The following CDH22 variants were observed in gnomAD, a reference collection of about 807,000 sequenced individuals.
CDH22 encodes cadherin 22.
Under a neutral mutation model 58.4 loss-of-function variants are expected in CDH22, and 30 were observed. The ratio of observed to expected loss-of-function variants is 0.51; its 90% confidence interval spans 0.38 to 0.70. The LOEUF (loss-of-function observed/expected upper bound fraction) is 0.70, where lower values mean the gene tolerates loss of function less well. Ranked by LOEUF, CDH22 falls within the 30% of genes least tolerant of loss-of-function variation. The pLI is 0.00. For synonymous variants in CDH22, 513 were observed against 558.2 expected (o/e 0.92, Z 1.14); for missense variants, 1,014 against 1,233.9 (o/e 0.82, Z 2.67).
chr20:46,222,823 C>T (rs1433968632), intron 4 of CDH22, among the ~76,000 whole-genome samples: 1 of 152,266 alleles, frequency 6.6e-6, no homozygotes, highest in Non-Finnish European at 1.5e-5. Flanking sequence ...ATTGGGGCCT[C>T]GCGGCGCCCC....
intron 10 of CDH22, among the ~76,000 whole-genome samples, chr20:46,182,783 G>A (rs1371492408): frequency 2.0e-5 from 3 of 152,194 alleles, no homozygotes; most frequent in Admixed American, 6.5e-5. Context: ...TATAAATCAC[G>A]TTTCCAAACT....
chr20:46,261,515 TC>T (rs1194562900), intron 1 of CDH22, among the ~76,000 whole-genome samples: 1 of 152,172 alleles, frequency 6.6e-6, no homozygotes, highest in African/African-American at 2.4e-5. Context: ...AAAGGGTAGT[TC>T]AGGAAGAGGC....
At chr20:46,308,496 TCTGA>T (rs1253924364) in exon 1 of CDH22, 248 of 205,868 alleles carry the variant, frequency 1.2e-3, 2 homozygotes, top group Non-Finnish European at 1.3e-3. The surrounding 1 kb of genome is among the most constrained non-coding windows in gnomAD (Gnocchi z 4.3). Context: ...AGTGTGCGTG[TCTGA>T]CTGGGGGGAA....
At chr20:46,183,014 C>G (rs1440643661) in intron 10 of CDH22, among the ~76,000 whole-genome samples, 3 of 149,734 alleles carry the variant, frequency 2.0e-5, no homozygotes, top group Non-Finnish European at 4.5e-5. Context: ...TCTGGTGCCC[C>G]CCCCTCTCCC....
chr20:46,208,648 G>A (rs1187291873), intron 7 of CDH22, among the ~76,000 whole-genome samples: 4 of 152,164 alleles, frequency 2.6e-5, no homozygotes, highest in African/African-American at 4.8e-5. Flanking sequence ...AGGCTAGAGT[G>A]CAATGGTGCA....
chr20:46,210,373 G>A lies in CDH22; in HGVS notation c.1220C>T (p.Ala407Val), dbSNP rs1402646823. ...CACGCCGACCAGGGAGCCCACCTGCGCGTCCTCCTGCACCTCCAGGAGGCC... is the reference window on the plus strand; with the variant it reads ...CACGCCGACCAGGGAGCCCACCTGCACGTCCTCCTGCACCTCCAGGAGGCC... ...PSGLLEVQED[A>V]QVGSLVGVVT... The change falls in exon 7 of 12, where the codon GCG (alanine) becomes GTG (valine). Residue 407 changes from alanine to valine, a missense_variant. By Grantham distance (64) the Ala-to-Val change is moderately conservative (BLOSUM62 0). Transcript: ENST00000537909. The surrounding 1 kb of genome is among the most constrained non-coding windows in gnomAD (Gnocchi z 4.5). 2 of 1,480,940 alleles carry A rather than the reference G, an allele frequency of 1.4e-6. No homozygotes were observed. Among genetic ancestry groups the A allele is most frequent in the African/African-American group, 1.5e-5 (1 of 68,336 alleles). The allele number at this position is 1,480,940 out of a possible 1,614,324, so 91.7% of individuals were successfully genotyped here.
In CDH22 at chr20:46,210,650, C is replaced by T; in HGVS notation, c.1033-90G>A. 5 of 1,271,440 alleles carry T rather than the reference C, an allele frequency of 3.9e-6. No individual in the cohort carries two copies. Among genetic ancestry groups the T allele is most frequent in the South Asian group, 2.1e-5 (1 of 47,414 alleles). 78.8% of individuals were successfully genotyped at this position (1,271,440 alleles called of 1,614,324 possible). A position where few individuals can be genotyped will look rare whatever the true frequency, so the allele number is the denominator to read the frequency against. On this transcript the variant is annotated intron_variant, in intron 6 of 11. Transcript: ENST00000537909. This position sits in a 1 kb window ranked among gnomAD's most constrained non-coding sequence, Gnocchi z 4.5. ...GGAGGCCAAGGCAGGCGGGGTTGGC[C>T]CAAGGTCACACGTTGTCTCAGCAGG...
intron 8 of CDH22, among the ~76,000 whole-genome samples, chr20:46,195,152 C>T (rs1415615092): frequency 2.0e-5 from 3 of 152,170 alleles, no homozygotes; most frequent in African/African-American, 7.2e-5. Flanking sequence ...CCAGGCCCAC[C>T]CAACTGGGAA....
intron 1 of CDH22, among the ~76,000 whole-genome samples, chr20:46,302,263 T>C (rs968368084): frequency 3.3e-5 from 5 of 152,082 alleles, no homozygotes; most frequent in African/African-American, 7.2e-5. Context: ...TTGAGCTACA[T>C]GAGTCTTTGC....
At chr20:46,299,036 A>T (rs549838773) in intron 1 of CDH22, among the ~76,000 whole-genome samples, 1 of 152,322 alleles carries the variant, frequency 6.6e-6, no homozygotes, top group South Asian at 2.1e-4. Context: ...CACTGTCAAC[A>T]GCAAGATCTT....
chr20:46,181,373 AG>A (rs1297070044), intron 10 of CDH22, among the ~76,000 whole-genome samples: 1 of 152,146 alleles, frequency 6.6e-6, no homozygotes, highest in Non-Finnish European at 1.5e-5. Context: ...CAGTGAGTTT[AG>A]GGAGAGGGAA....
At position 46,227,668 on chromosome 20, in the gene CDH22, C is replaced by T. The variant is rs751256321; in HGVS notation, c.551-41G>A. ...CAAGCGAGACAGGGGTCATCTGGGG[C>T]TGCGGAGCTCGTTCCCCCACTTCGC... On this transcript the variant is annotated intron_variant, in intron 3 of 11. Transcript: ENST00000537909. 5 of 1,575,168 alleles carry T rather than the reference C, an allele frequency of 3.2e-6. No individual in the cohort carries two copies. In the Admixed American group the frequency reaches 7.2e-5, roughly 23 times the overall value.
intron 7 of CDH22, among the ~76,000 whole-genome samples, chr20:46,205,139 C>CT (rs1225458658): frequency 1.3e-5 from 2 of 152,064 alleles, no homozygotes; most frequent in Non-Finnish European, 1.5e-5. Context: ...CCCCCACTCC[C>CT]TTTAGGCATA....
intron 2 of CDH22, among the ~76,000 whole-genome samples, chr20:46,249,538 G>C (rs140788593): frequency 2.0e-5 from 3 of 152,284 alleles, no homozygotes; most frequent in Non-Finnish European, 4.4e-5. Flanking sequence ...CTTCCTGCAA[G>C]GCAAACCCAA....
At chr20:46,281,563 A>T (rs2086551138) in intron 1 of CDH22, among the ~76,000 whole-genome samples, 1 of 152,184 alleles carries the variant, frequency 6.6e-6, no homozygotes, top group Non-Finnish European at 1.5e-5. Flanking sequence ...GTCTCAAGGA[A>T]ATTCCCAGCT....
chr20:46,264,553 A>C (rs1219885909), intron 1 of CDH22, among the ~76,000 whole-genome samples: 2 of 152,186 alleles, frequency 1.3e-5, no homozygotes, highest in African/African-American at 4.8e-5. Flanking sequence ...AATCAGGAAC[A>C]GTGGCTCAGA....
chr20:46,192,574 G>C (rs956051229), intron 8 of CDH22, among the ~76,000 whole-genome samples: 2 of 151,828 alleles, frequency 1.3e-5, no homozygotes, highest in Non-Finnish European at 2.9e-5. Flanking sequence ...AGAGTGGGGG[G>C]TGGAGTGGGA....
intron 4 of CDH22, among the ~76,000 whole-genome samples, chr20:46,227,204 C>A (rs1308102426): frequency 1.3e-5 from 2 of 152,202 alleles, no homozygotes; most frequent in Admixed American, 6.5e-5. Flanking sequence ...CCGCTTAGTT[C>A]GGACCTTTAA....
At chr20:46,188,959 G>T (rs1256985675) in intron 8 of CDH22, among the ~76,000 whole-genome samples, 1 of 151,594 alleles carries the variant, frequency 6.6e-6, no homozygotes, top group African/African-American at 2.4e-5. Context: ...AAGCTTCCAG[G>T]CATCCAGGCT....
Sources: gnomAD v4.1 joint callset for allele counts (sites outside exome capture counted in the v4.1 genomes callset) on GRCh38, gnomAD v4.1.1 for gene constraint, Gnocchi (gnomAD v3.1) non-coding constraint, MANE v1.5 for transcripts, NCBI Gene and HGNC (gene_info 2026-07-23, HGNC 2026-07-21) for gene names.